Variants in FAAP20 observed in about 807,000 individuals in gnomAD.
The protein encoded by FAAP20 is FA core complex associated protein 20, also known as Fanconi anemia core complex-associated protein 20.
A neutral mutation model predicts 16.2 loss-of-function variants in FAAP20; 12 were observed. The ratio of observed to expected loss-of-function variants is 0.74; its 90% CI spans 0.48 to 1.20. FAAP20 has a LOEUF of 1.20. Ranked by LOEUF, FAAP20 falls within the 50% of genes most tolerant of loss-of-function variation. The pLI is 0.00. For synonymous variants in FAAP20, 141 were observed against 110.7 expected, an observed-to-expected ratio of 1.27 and a Z score of -1.72; for missense variants, 288 against 245.8, an observed-to-expected ratio of 1.17 and a Z score of -1.15.
upstream of FAAP20, among the ~76,000 whole-genome samples, chr1:2,201,620 G>A (rs1689051137): frequency 6.6e-6 from 1 of 152,198 alleles, no homozygotes; most frequent in South Asian, 2.1e-4. Context: ...TATGTGGGAG[G>A]CTGAGACAGG....
At chr1:2,208,617 C>T (rs1454281904), downstream of FAAP20, among the ~76,000 whole-genome samples, 1 of 152,168 alleles carries the variant, frequency 6.6e-6, no homozygotes, top group African/African-American at 2.4e-5. Context: ...TACCTGGGTC[C>T]CTGCAGCCTC....
chr1:2,205,751 G>C (rs1311286588), intron 3 of FAAP20, among the ~76,000 whole-genome samples: 1 of 152,240 alleles, frequency 6.6e-6, no homozygotes, highest in Non-Finnish European at 1.5e-5. Context: ...CGCGCCCGGG[G>C]ACTGGAAGGC....
chr1:2,203,838 A>T (rs1689138228), upstream of FAAP20: 1 of 166,462 alleles, frequency 6.0e-6, no homozygotes, highest in Admixed American at 6.5e-5. Context: ...CAGATGGGTC[A>T]ACTGAGGCCC....
downstream of FAAP20, among the ~76,000 whole-genome samples, chr1:2,210,917 G>A (rs1689417150): frequency 6.6e-6 from 1 of 152,254 alleles, no homozygotes; most frequent in African/African-American, 2.4e-5. Flanking sequence ...TTGCTGCGGG[G>A]GACCTGGGCC....
intron 3 of FAAP20, among the ~76,000 whole-genome samples, chr1:2,205,887 G>T (rs1396540556): frequency 6.6e-6 from 1 of 152,264 alleles, no homozygotes; most frequent in African/African-American, 2.4e-5. Flanking sequence ...CCCGGGCCCC[G>T]GCCCACCTGT....
chr1:2,193,381 G>A, intron 3 of FAAP20: 1 of 585,686 alleles, frequency 1.7e-6, no homozygotes, highest in Admixed American at 3.7e-5. Flanking sequence ...CCCGGGGCCA[G>A]TGCTCCCAGC....
At chr1:2,194,842 C>T (rs1030940783), upstream of FAAP20, 9 of 1,043,736 alleles carry the variant, frequency 8.6e-6, no homozygotes, top group Middle Eastern at 4.3e-4. Flanking sequence ...ACCTCTGCAG[C>T]GAGGCCGCCC....
At position 2,193,915 on chromosome 1, in the gene FAAP20, AAC is replaced by A. The variant is rs764459840; in HGVS notation, c.199-7_199-6del. 25 of 1,611,978 alleles carry A rather than the reference AAC, an allele frequency of 1.6e-5. No homozygotes were observed. Among genetic ancestry groups the A allele is most frequent in the Middle Eastern group, 3.3e-4 (2 of 6,050 alleles). On this transcript the variant is annotated splice_region_variant and splice_polypyrimidine_tract_variant and intron_variant, in intron 2 of 3. Coordinates refer to ENST00000378546, the MANE Select transcript of FAAP20 (RefSeq NM_182533.4). ...CTCCGGGCCGCACCTGGGCTCCTGC[AAC>A]ACAGAGTTGTTGGGCCTTGCCCAGC...
chr1:2,194,162 G>C (rs1688593177), intron 1 of FAAP20, 29 bp from the exon 2 acceptor site: 3 of 1,610,412 alleles, frequency 1.9e-6, no homozygotes, highest in African/African-American at 1.3e-5. Context: ...GCAGACAGGG[G>C]GTACTCAGTA....
chr1:2,185,031 G>A, downstream of FAAP20: 2 of 1,586,904 alleles, frequency 1.3e-6, no homozygotes, highest in Non-Finnish European at 1.7e-6. Flanking sequence ...TCTCTGTCGT[G>A]GACACGCGTG....
chr1:2,208,897 A>G (rs1180099166), downstream of FAAP20, among the ~76,000 whole-genome samples: 2 of 152,204 alleles, frequency 1.3e-5, no homozygotes, highest in Admixed American at 6.5e-5. Context: ...TTGGGCCCTC[A>G]GTTTTCCCAG....
chr1:2,204,088 C>T (rs775221557), upstream of FAAP20, among the ~76,000 whole-genome samples: 2 of 152,214 alleles, frequency 1.3e-5, no homozygotes, highest in Non-Finnish European at 2.9e-5. Flanking sequence ...CCTGCCATCT[C>T]GGGTCCCCAT....
intron 3 of FAAP20, chr1:2,191,832 C>T: frequency 2.0e-5 from 20 of 985,492 alleles, no homozygotes; most frequent in Non-Finnish European, 2.4e-5. Context: ...CCTCACCCCT[C>T]ACCAGGTGCC....
chr1:2,208,879 T>A (rs1689358864), downstream of FAAP20, among the ~76,000 whole-genome samples: 1 of 152,196 alleles, frequency 6.6e-6, no homozygotes, highest in Admixed American at 6.5e-5. Context: ...TTGAATCGAT[T>A]CCGCTTATTG....
chr1:2,196,982 G>A (rs1049825635), upstream of FAAP20, among the ~76,000 whole-genome samples: 42 of 152,308 alleles, frequency 2.8e-4, no homozygotes, highest in African/African-American at 9.9e-4. The surrounding 1 kb of genome is among the most constrained non-coding windows in gnomAD (Gnocchi z 4.5). Context: ...GGGTTCTGCT[G>A]TTGGACCCGG....
downstream of FAAP20, chr1:2,189,478 T>C (rs1051336287): frequency 1.7e-6 from 1 of 572,768 alleles, no homozygotes; most frequent in African/African-American, 1.9e-5. Context: ...CGCCTGGGGC[T>C]GTGTCTGGTT....
intron 3 of FAAP20, chr1:2,192,290 A>C: frequency 1.0e-6 from 1 of 986,274 alleles, no homozygotes; most frequent in South Asian, 4.7e-5. Context: ...CCGGTTCCAA[A>C]GTACCGGCTC....
At chr1:2,192,522 G>A (rs1688348361) in intron 3 of FAAP20, 2 of 1,002,568 alleles carry the variant, frequency 2.0e-6, no homozygotes, top group South Asian at 4.2e-5. Context: ...AAAGACAAAA[G>A]CCCCTCCCCG....
At chr1:2,185,621 C>T (rs1348578801), downstream of FAAP20, 2 of 654,782 alleles carry the variant, frequency 3.1e-6, no homozygotes, top group Non-Finnish European at 5.7e-6. Flanking sequence ...GGTGAAGTGA[C>T]ACCTTAAGCA....
Sources: gnomAD v4.1 joint callset for allele counts (sites outside exome capture counted in the v4.1 genomes callset) on GRCh38, gnomAD v4.1.1 for gene constraint, Gnocchi (gnomAD v3.1) non-coding constraint, MANE v1.5 for transcripts, NCBI Gene and HGNC (gene_info 2026-07-23, HGNC 2026-07-21) for gene names.